The following SGCZ variants were observed in gnomAD, a reference collection of about 807,000 sequenced individuals.
The protein encoded by SGCZ is sarcoglycan zeta, also known as zeta-sarcoglycan.
Under a neutral mutation model 41.3 loss-of-function variants are expected in SGCZ, and 40 were observed. The observed-to-expected ratio is 0.97, with a 90% CI of 0.75 to 1.26. The LOEUF (loss-of-function observed/expected upper bound fraction) is 1.26, where lower values mean the gene tolerates loss of function less well. SGCZ is among the 50% of genes most tolerant of loss of function. The pLI, the probability that SGCZ is intolerant of heterozygous loss-of-function variation, is 0.00. For synonymous variants in SGCZ, 206 were observed against 137.5 expected (o/e 1.50, Z -3.49); for missense variants, 552 against 369.8 (o/e 1.49, Z -4.04).
chr8:14,703,092 G>T (rs570965014), intron 1 of SGCZ, among the ~76,000 whole-genome samples: 1 of 151,954 alleles, frequency 6.6e-6, no homozygotes, highest in Non-Finnish European at 1.5e-5. Context: ...ATAGTACATT[G>T]TAAGAGCAAT....
At chr8:14,184,153 T>C (rs1046889498) in intron 4 of SGCZ, among the ~76,000 whole-genome samples, 1 of 152,152 alleles carries the variant, frequency 6.6e-6, no homozygotes, top group African/African-American at 2.4e-5. Flanking sequence ...TTCTAATGAT[T>C]AAAAATTTAA....
intron 1 of SGCZ, among the ~76,000 whole-genome samples, chr8:14,725,108 C>T (rs1810008421): frequency 6.6e-6 from 1 of 152,166 alleles, no homozygotes. Context: ...ATTTGTCTTT[C>T]TGTGCTTGGC....
intron 1 of SGCZ, among the ~76,000 whole-genome samples, chr8:15,043,903 A>G (rs1804204849): frequency 6.6e-6 from 1 of 152,060 alleles, no homozygotes; most frequent in Non-Finnish European, 1.5e-5. Flanking sequence ...ATTATATAGG[A>G]TCTTGCTTTG....
chr8:15,069,885 G>A (rs77739461), intron 1 of SGCZ, among the ~76,000 whole-genome samples: 11,890 of 152,074 alleles, frequency 0.078, 722 homozygotes, highest in African/African-American at 0.16. Context: ...TGAGAGAAGT[G>A]TGTGTATGCA....
chr8:14,137,857 C>T (rs1170774204), intron 5 of SGCZ, among the ~76,000 whole-genome samples: 1 of 152,134 alleles, frequency 6.6e-6, no homozygotes, highest in Admixed American at 6.5e-5. Flanking sequence ...TCAAGAAGAG[C>T]AACCCCAAGA....
chr8:14,459,273 A>T (rs1226286379), intron 2 of SGCZ, among the ~76,000 whole-genome samples: 2 of 151,166 alleles, frequency 1.3e-5, no homozygotes, highest in East Asian at 4.0e-4. Flanking sequence ...GTTGTGGGGT[A>T]GGGGGATGGG....
intron 1 of SGCZ, among the ~76,000 whole-genome samples, chr8:15,221,830 C>T (rs902034422): frequency 5.3e-5 from 8 of 152,138 alleles, no homozygotes; most frequent in Non-Finnish European, 7.4e-5. Flanking sequence ...CACTGCATTT[C>T]GTTTTGTTCA....
intron 4 of SGCZ, among the ~76,000 whole-genome samples, chr8:14,222,672 G>C (rs939856334): frequency 6.6e-6 from 1 of 151,674 alleles, no homozygotes; most frequent in Non-Finnish European, 1.5e-5. Context: ...TTACTCCATG[G>C]ACAATTTACT....
intron 1 of SGCZ, among the ~76,000 whole-genome samples, chr8:14,823,118 G>T (rs1243783750): frequency 6.9e-6 from 1 of 143,898 alleles, no homozygotes; most frequent in African/African-American, 2.6e-5. Context: ...AAACCGTGAA[G>T]CTATTAGAAA....
intron 2 of SGCZ, among the ~76,000 whole-genome samples, chr8:14,538,951 C>T (rs1256909339): frequency 6.6e-6 from 1 of 151,906 alleles, no homozygotes. Context: ...CATGTGTCAG[C>T]TTGGCTGGGC....
chr8:14,472,572 T>G (rs1190609014), intron 2 of SGCZ, among the ~76,000 whole-genome samples: 1 of 152,102 alleles, frequency 6.6e-6, no homozygotes. Flanking sequence ...TATCATTACA[T>G]TATAAGAAAA....
intron 5 of SGCZ, among the ~76,000 whole-genome samples, chr8:14,126,130 G>C (rs1282799949): frequency 6.6e-6 from 1 of 152,178 alleles, no homozygotes; most frequent in Admixed American, 6.5e-5. Flanking sequence ...TTGACAAATA[G>C]GATCTAATTA....
intron 3 of SGCZ, among the ~76,000 whole-genome samples, chr8:14,245,653 A>T (rs1292600065): frequency 6.6e-6 from 1 of 151,298 alleles, no homozygotes; most frequent in African/African-American, 2.4e-5. Context: ...TCAGCGTGAA[A>T]AGGCAATACA....
intron 2 of SGCZ, among the ~76,000 whole-genome samples, chr8:14,350,666 G>A (rs930469372): frequency 6.6e-6 from 1 of 152,036 alleles, no homozygotes; most frequent in African/African-American, 2.4e-5. Context: ...TGGAAGAGCT[G>A]AGGTCTTTGT....
intron 1 of SGCZ, among the ~76,000 whole-genome samples, chr8:14,967,287 A>C (rs542750945): frequency 6.6e-6 from 1 of 152,294 alleles, no homozygotes; most frequent in South Asian, 2.1e-4. Flanking sequence ...CACCAACCCC[A>C]GTTTCAAGTG....
At chr8:14,407,686 G>C (rs1799248683) in intron 2 of SGCZ, among the ~76,000 whole-genome samples, 1 of 152,124 alleles carries the variant, frequency 6.6e-6, no homozygotes, top group Non-Finnish European at 1.5e-5. Context: ...TAAGAACTGA[G>C]AAAGGCTGTC....
intron 2 of SGCZ, among the ~76,000 whole-genome samples, chr8:14,399,316 T>G (rs537415967): frequency 1.3e-5 from 2 of 152,142 alleles, no homozygotes; most frequent in Non-Finnish European, 2.9e-5. Context: ...CCAATTTCAC[T>G]TCTTACCAGT....
intron 1 of SGCZ, among the ~76,000 whole-genome samples, chr8:14,716,421 C>T (rs1809692409): frequency 6.6e-6 from 1 of 151,984 alleles, no homozygotes; most frequent in Non-Finnish European, 1.5e-5. Context: ...GATTATTAAT[C>T]TATACAGATA....
chr8:14,210,964 G>T (rs1018518833), intron 4 of SGCZ, among the ~76,000 whole-genome samples: 1 of 152,140 alleles, frequency 6.6e-6, no homozygotes, highest in African/African-American at 2.4e-5. Flanking sequence ...GCAAGACTCT[G>T]CATTGGAAAT....
Sources: gnomAD v4.1 joint callset for allele counts (sites outside exome capture counted in the v4.1 genomes callset) on GRCh38, gnomAD v4.1.1 for gene constraint, MANE v1.5 for transcripts, NCBI Gene and HGNC (gene_info 2026-07-23, HGNC 2026-07-21) for gene names.